BRD10: variants seen among roughly 807,000 people sequenced by gnomAD.
BRD10 encodes bromodomain containing 10.
the BRD10 span, among the ~76,000 whole-genome samples, chr9:5,991,009 C>T: frequency 1.3e-5 from 2 of 152,112 alleles, no homozygotes; most frequent in African/African-American, 4.8e-5. Flanking sequence ...CTGAACATTA[C>T]AACATGGAAG....
the BRD10 span, among the ~76,000 whole-genome samples, chr9:5,905,744 C>T: frequency 6.6e-6 from 1 of 152,216 alleles, no homozygotes; most frequent in Admixed American, 6.5e-5. Context: ...CCAATGTATA[C>T]CTTCCGTGTA....
At chr9:5,960,826 A>C in the BRD10 span, among the ~76,000 whole-genome samples, 1 of 152,172 alleles carries the variant, frequency 6.6e-6, no homozygotes, top group East Asian at 1.9e-4. Context: ...CAATAAGGAG[A>C]CTGGTTAAAT....
chr9:5,972,692 G>A, the BRD10 span, among the ~76,000 whole-genome samples: 2 of 152,160 alleles, frequency 1.3e-5, no homozygotes, highest in East Asian at 1.9e-4. Flanking sequence ...GCAGTCTGAG[G>A]CATTCTCCTG....
At chr9:6,002,480 G>C in the BRD10 span, among the ~76,000 whole-genome samples, 1 of 152,004 alleles carries the variant, frequency 6.6e-6, no homozygotes, top group Non-Finnish European at 1.5e-5. Flanking sequence ...AGGTAGGATG[G>C]GTGAGATTTA....
At chr9:5,928,312 T>C in the BRD10 span, among the ~76,000 whole-genome samples, 4 of 152,210 alleles carry the variant, frequency 2.6e-5, no homozygotes, top group African/African-American at 9.6e-5. Flanking sequence ...TATAGTATAC[T>C]GGTTTCCCTG....
the BRD10 span, among the ~76,000 whole-genome samples, chr9:5,902,640 G>C: frequency 2.7e-5 from 4 of 150,898 alleles, no homozygotes; most frequent in African/African-American, 9.7e-5. Flanking sequence ...TAGGATTATA[G>C]CATGTGCCTC....
the BRD10 span, among the ~76,000 whole-genome samples, chr9:5,943,060 A>G: frequency 1.3e-5 from 2 of 152,018 alleles, no homozygotes; most frequent in Non-Finnish European, 2.9e-5. Context: ...TATTTTTTGT[A>G]GAGACGGGGT....
the BRD10 span, among the ~76,000 whole-genome samples, chr9:5,963,844 C>A: frequency 3.0e-4 from 46 of 151,932 alleles, no homozygotes; most frequent in East Asian, 1.4e-3. Context: ...GGAAAACTGG[C>A]TAGCCATATG....
At chr9:6,007,198 G>A in the BRD10 span, 3 of 1,611,520 alleles carry the variant, frequency 1.9e-6, no homozygotes, top group Admixed American at 1.7e-5. Context: ...CGCTTACCGA[G>A]AGAGAAGCGC....
At chr9:6,008,154 T>G in the BRD10 span, 1 of 969,720 alleles carries the variant, frequency 1.0e-6, no homozygotes, top group Non-Finnish European at 1.2e-6. Context: ...CCCCACCCCC[T>G]CCCGGGCCAG....
the BRD10 span, among the ~76,000 whole-genome samples, chr9:5,987,686 T>C: frequency 6.6e-6 from 1 of 152,214 alleles, no homozygotes; most frequent in African/African-American, 2.4e-5. Context: ...AACAAGTCCT[T>C]ATAACATTAG....
At chr9:5,993,324 A>C in the BRD10 span, among the ~76,000 whole-genome samples, 159 of 151,046 alleles carry the variant, frequency 1.1e-3, 1 homozygote, top group African/African-American at 3.7e-3. Context: ...AAAAAAAAAA[A>C]AAAAAAAAAA....
At chr9:5,966,638 C>G in the BRD10 span, among the ~76,000 whole-genome samples, 1 of 151,140 alleles carries the variant, frequency 6.6e-6, no homozygotes, top group South Asian at 2.1e-4. Context: ...TTTTGTATTT[C>G]TATTAGAGAC....
the BRD10 span, chr9:5,919,925 C>T: frequency 6.2e-7 from 1 of 1,613,968 alleles, no homozygotes; most frequent in Non-Finnish European, 8.5e-7. Flanking sequence ...ATTACTGGGG[C>T]AAATGGCAGA....
the BRD10 span, chr9:5,944,860 T>C: frequency 7.0e-7 from 1 of 1,432,202 alleles, no homozygotes; most frequent in East Asian, 2.5e-5. Context: ...AACTTTTGGA[T>C]CAACACCTAC....
At chr9:6,007,929 C>G in the BRD10 span, 20 of 1,330,686 alleles carry the variant, frequency 1.5e-5, no homozygotes, top group South Asian at 2.0e-5. Context: ...GCCGCCGGCT[C>G]GGCTCGGTGC....
chr9:5,956,628 T>C, the BRD10 span, among the ~76,000 whole-genome samples: 1 of 152,200 alleles, frequency 6.6e-6, no homozygotes, highest in African/African-American at 2.4e-5. Context: ...ATGTTAGCTA[T>C]TGCTTTAGCT....
At chr9:5,917,569 C>G in the BRD10 span, among the ~76,000 whole-genome samples, 2 of 152,256 alleles carry the variant, frequency 1.3e-5, no homozygotes, top group Non-Finnish European at 2.9e-5. Flanking sequence ...TGCAGTGGCT[C>G]ACACCTATAA....
At chr9:5,908,545 G>C in the BRD10 span, 18 of 1,088,032 alleles carry the variant, frequency 1.7e-5, no homozygotes, top group Admixed American at 3.7e-4. Flanking sequence ...AGTCCACAGG[G>C]AAAGTATAAA....
Sources: allele counts gnomAD v4.1 joint callset (sites outside exome capture counted in the v4.1 genomes callset), GRCh38; gene constraint gnomAD v4.1.1; transcripts MANE v1.5; gene names NCBI Gene and HGNC (gene_info 2026-07-23, HGNC 2026-07-21).